The following MOB3B variants were observed in gnomAD, a reference collection of about 807,000 sequenced individuals.
MOB3B encodes MOB kinase activator-like 2B.
MOB3B carries 7 observed loss-of-function variants against 18.7 expected under a neutral mutation model. The ratio of observed to expected loss-of-function variants is 0.37; its 90% CI spans 0.21 to 0.70. The LOEUF is 0.70. MOB3B is among the 30% of genes least tolerant of loss of function. The pLI, the probability that MOB3B is intolerant of heterozygous loss-of-function variation, is 0.52. For missense variants in MOB3B, 253 were observed against 281.3 expected, an observed-to-expected ratio of 0.90 and a Z score of 0.72; for synonymous variants, 111 against 99.9, an observed-to-expected ratio of 1.11 and a Z score of -0.66.
intron 2 of MOB3B, among the ~76,000 whole-genome samples, chr9:27,441,090 A>T (rs2814702): frequency 6.6e-6 from 1 of 151,970 alleles, no homozygotes; most frequent in Non-Finnish European, 1.5e-5. Flanking sequence ...GCTGAGATCA[A>T]GCAGTAATTC....
At chr9:27,465,522 C>T (rs55734333) in intron 1 of MOB3B, among the ~76,000 whole-genome samples, 40,730 of 152,034 alleles carry the variant, frequency 0.27, 5,686 homozygotes, top group Middle Eastern at 0.33. Context: ...GTCTGGAAGA[C>T]GATGGCCCTC....
At chr9:27,378,394 C>T (rs1158049797) in intron 2 of MOB3B, 1 of 471,568 alleles carries the variant, frequency 2.1e-6, no homozygotes, top group African/African-American at 2.0e-5. Flanking sequence ...CAGCTCTGGA[C>T]AAAGTGAACA....
intron 2 of MOB3B, among the ~76,000 whole-genome samples, chr9:27,398,140 G>A (rs780804684): frequency 1.3e-5 from 2 of 152,146 alleles, no homozygotes; most frequent in African/African-American, 4.8e-5. Context: ...ACAGCATCCC[G>A]GGGAGGAGCT....
rs542672178 is a variant in MOB3B, at chr9:27,487,735, A to T, written c.-198-31987T>A. On this transcript the variant is annotated intron_variant, in intron 1 of 3. Transcript: ENST00000262244. The stretch of plus-strand genomic sequence containing the variant: ...GTTCGAAGATTTTTCACTTTTGCGT[A>T]TGCCATTAAAATGACTCAACTATTT... Among the ~76,000 whole-genome samples the T allele has an allele frequency of 5.5e-4, 83 of 152,280 alleles. 1 individual carries two copies. The highest frequency in any genetic ancestry group is 2.0e-3 in the African/African-American group (83 of 41,540).
chr9:27,511,596 A>T (rs190960325), intron 1 of MOB3B, among the ~76,000 whole-genome samples: 521 of 151,988 alleles, frequency 3.4e-3, no homozygotes, highest in African/African-American at 0.011. Context: ...GTTTTTTTTA[A>T]AAAAAATAGC....
intron 1 of MOB3B, among the ~76,000 whole-genome samples, chr9:27,467,584 G>A (rs746393138): frequency 5.3e-5 from 8 of 152,228 alleles, no homozygotes; most frequent in Non-Finnish European, 1.2e-4. Flanking sequence ...GTTTGGATGA[G>A]GAAGAATTTT....
intron 3 of MOB3B, chr9:27,358,801 T>G (rs1563849316): frequency 1.1e-5 from 8 of 721,622 alleles, no homozygotes; most frequent in Non-Finnish European, 2.0e-5. Context: ...AACTATTATA[T>G]TCCCACAACA....
chr9:27,467,954 T>C (rs554984296), intron 1 of MOB3B, among the ~76,000 whole-genome samples: 1 of 152,188 alleles, frequency 6.6e-6, no homozygotes, highest in African/African-American at 2.4e-5. Flanking sequence ...TAGGGAAGAG[T>C]GGTGTGACTT....
intron 1 of MOB3B, among the ~76,000 whole-genome samples, chr9:27,491,980 A>T (rs559575372): frequency 6.6e-6 from 1 of 152,352 alleles, no homozygotes; most frequent in African/African-American, 2.4e-5. Context: ...CTTGTCTGAG[A>T]TACCTAAATG....
At chr9:27,510,289 T>C (rs1298410475) in intron 1 of MOB3B, among the ~76,000 whole-genome samples, 1 of 152,272 alleles carries the variant, frequency 6.6e-6, no homozygotes, top group Admixed American at 6.5e-5. Flanking sequence ...ACTGAAATTA[T>C]GATGTGATCA....
intron 2 of MOB3B, 72 bp downstream of exon 2, chr9:27,455,061 A>C: frequency 6.5e-7 from 1 of 1,538,546 alleles, no homozygotes; most frequent in South Asian, 1.1e-5. Flanking sequence ...TAGCATTCAA[A>C]GGCAGTCTGC....
intron 3 of MOB3B, among the ~76,000 whole-genome samples, chr9:27,338,617 C>T (rs546640802): frequency 6.6e-6 from 1 of 152,310 alleles, no homozygotes; most frequent in South Asian, 2.1e-4. Flanking sequence ...AACAACTCTA[C>T]AGCCAAGTCC....
At chr9:27,412,929 G>A (rs1018936489) in intron 2 of MOB3B, among the ~76,000 whole-genome samples, 19 of 152,318 alleles carry the variant, frequency 1.2e-4, no homozygotes, top group East Asian at 1.9e-4. Flanking sequence ...CATGGACCAC[G>A]CTGAGGGACC....
intron 2 of MOB3B, among the ~76,000 whole-genome samples, chr9:27,370,223 T>C (rs1354982060): frequency 2.0e-5 from 3 of 151,864 alleles, no homozygotes; most frequent in East Asian, 1.9e-4. Context: ...AAAAGGAGGG[T>C]CCTGGCTGGG....
chr9:27,392,618 C>T (rs545548917), intron 2 of MOB3B, among the ~76,000 whole-genome samples: 2 of 152,264 alleles, frequency 1.3e-5, no homozygotes, highest in South Asian at 4.1e-4. Flanking sequence ...ACATGAACAA[C>T]TGTAGGAATA....
At chr9:27,381,438 C>T (rs1367506560) in intron 2 of MOB3B, among the ~76,000 whole-genome samples, 1 of 152,110 alleles carries the variant, frequency 6.6e-6, no homozygotes, top group East Asian at 1.9e-4. Context: ...GACTGAGAAG[C>T]TGCCTACATT....
chr9:27,387,452 T>C (rs1821664381), intron 2 of MOB3B, among the ~76,000 whole-genome samples: 1 of 152,198 alleles, frequency 6.6e-6, no homozygotes, highest in Admixed American at 6.5e-5. Context: ...AGTTTCCTCA[T>C]CTGTAAAATG....
rs1012983927 is a variant in MOB3B at position 27,405,360 on chromosome 9, C to A, written c.419-46124G>T. ...TGACCTCATGATCAGCCTGCCTTGG[C>A]CTCCCAAAGTGCTGAGATTACAGGT... On this transcript the variant is annotated intron_variant, in intron 2 of 3. Coordinates refer to ENST00000262244, the MANE Select transcript of MOB3B (RefSeq NM_024761.5). 1.3e-5 allele frequency among the ~76,000 whole-genome samples: 2 copies of A among 152,072 alleles called. 1 individual carries two copies. The highest frequency in any genetic ancestry group is 2.9e-5 in the Non-Finnish European group (2 of 68,020).
chr9:27,420,632 C>G (rs1040934435), intron 2 of MOB3B, among the ~76,000 whole-genome samples: 1 of 127,798 alleles, frequency 7.8e-6, no homozygotes, highest in African/African-American at 3.0e-5. Flanking sequence ...AATGAATTAA[C>G]AGCATTTGCA....
Sources: allele counts gnomAD v4.1 joint callset (sites outside exome capture counted in the v4.1 genomes callset), GRCh38; gene constraint gnomAD v4.1.1; transcripts MANE v1.5; gene names NCBI Gene and HGNC (gene_info 2026-07-23, HGNC 2026-07-21).